SMIM44: variants seen among roughly 807,000 people sequenced by gnomAD.
SMIM44 encodes small integral membrane protein 44.
At chr19:3,482,702 C>G in the SMIM44 span, 3 of 396,484 alleles carry the variant, frequency 7.6e-6, no homozygotes, top group Non-Finnish European at 4.4e-6. Context: ...AGGAGAAAGC[C>G]GTCCGCTGCG....
the SMIM44 span, chr19:3,482,734 A>G: frequency 5.0e-6 from 2 of 397,210 alleles, no homozygotes; most frequent in Non-Finnish European, 8.9e-6. Flanking sequence ...CAGGGTTTGC[A>G]GAAAGGGCTC....
chr19:3,482,431 C>T, the SMIM44 span, among the ~76,000 whole-genome samples: 1 of 152,206 alleles, frequency 6.6e-6, no homozygotes, highest in African/African-American at 2.4e-5. Flanking sequence ...CTGCGTGCCT[C>T]GGTTTCCCCA....
chr19:3,482,615 T>C, the SMIM44 span, among the ~76,000 whole-genome samples: 1 of 152,236 alleles, frequency 6.6e-6, no homozygotes, highest in Admixed American at 6.5e-5. Flanking sequence ...GCTGACGGCT[T>C]GGCTGAGGCT....
chr19:3,482,716 G>GGGCA, the SMIM44 span: 1 of 396,556 alleles, frequency 2.5e-6, no homozygotes, highest in South Asian at 1.4e-4. Flanking sequence ...CGCTGCGACC[G>GGGCA]GGCAGCTCAG....
chr19:3,482,206 C>T, the SMIM44 span, among the ~76,000 whole-genome samples: 13 of 152,300 alleles, frequency 8.5e-5, 1 homozygote, highest in South Asian at 2.7e-3. Flanking sequence ...TGGGAGCTCT[C>T]GATCTGATTA....
At chr19:3,483,190 G>A in the SMIM44 span, 20 of 398,334 alleles carry the variant, frequency 5.0e-5, no homozygotes, top group South Asian at 2.5e-4. Context: ...GGTTTCGGTG[G>A]GGGCAGCTCA....
the SMIM44 span, chr19:3,483,410 C>T: frequency 9.8e-4 from 389 of 397,828 alleles, 3 homozygotes; most frequent in African/African-American, 7.4e-3. Flanking sequence ...GCATGGTGTC[C>T]GCCCGGCACA....
At chr19:3,482,280 T>G in the SMIM44 span, among the ~76,000 whole-genome samples, 2 of 151,986 alleles carry the variant, frequency 1.3e-5, no homozygotes, top group South Asian at 4.2e-4. Flanking sequence ...CTGGAGAAGA[T>G]TTGGAGGTAG....
At chr19:3,482,742 C>T in the SMIM44 span, 2 of 397,522 alleles carry the variant, frequency 5.0e-6, no homozygotes, top group Non-Finnish European at 8.9e-6. Context: ...GCAGAAAGGG[C>T]TCCGGCGCGC....
At chr19:3,483,431 G>T in the SMIM44 span, 1 of 397,512 alleles carries the variant, frequency 2.5e-6, no homozygotes, top group South Asian at 1.3e-4. Flanking sequence ...GGGGAGGCCC[G>T]GAGGTGACCC....
the SMIM44 span, chr19:3,482,876 C>T: frequency 2.5e-6 from 1 of 396,228 alleles, no homozygotes; most frequent in African/African-American, 2.1e-5. Context: ...GGCGGCGGGG[C>T]TCCGGGGGAG....
At chr19:3,483,335 G>T in the SMIM44 span, 1 of 398,274 alleles carries the variant, frequency 2.5e-6, no homozygotes, top group Non-Finnish European at 4.4e-6. Flanking sequence ...GCGGCGGCCG[G>T]TACTCCTCGT....
the SMIM44 span, chr19:3,482,916 C>A: frequency 2.5e-6 from 1 of 398,000 alleles, no homozygotes; most frequent in African/African-American, 2.1e-5. Context: ...TCCCTCCCCA[C>A]CCCCGCCGGC....
At chr19:3,483,401 C>T in the SMIM44 span, 1 of 397,940 alleles carries the variant, frequency 2.5e-6, no homozygotes, top group Non-Finnish European at 4.4e-6. Context: ...CCAGCCCCGG[C>T]ATGGTGTCCG....
At chr19:3,482,325 C>A in the SMIM44 span, among the ~76,000 whole-genome samples, 1 of 152,158 alleles carries the variant, frequency 6.6e-6, no homozygotes, top group African/African-American at 2.4e-5. Context: ...GCAGGACCCG[C>A]CTTGGAGATC....
At chr19:3,482,461 C>A in the SMIM44 span, among the ~76,000 whole-genome samples, 26,429 of 152,282 alleles carry the variant, frequency 0.17, 3,174 homozygotes, top group East Asian at 0.49. Flanking sequence ...TGGGGGCGAT[C>A]AGTCCTACCT....
At chr19:3,482,917 C>G in the SMIM44 span, 28 of 398,048 alleles carry the variant, frequency 7.0e-5, no homozygotes, top group African/African-American at 5.8e-4. Context: ...CCCTCCCCAC[C>G]CCCGCCGGCG....
chr19:3,482,218 G>A, the SMIM44 span, among the ~76,000 whole-genome samples: 13 of 152,206 alleles, frequency 8.5e-5, no homozygotes, highest in African/African-American at 3.1e-4. Context: ...ATCTGATTAG[G>A]AAGTCAGGAC....
chr19:3,482,884 G>C, the SMIM44 span: 1 of 397,220 alleles, frequency 2.5e-6, no homozygotes, highest in Non-Finnish European at 4.4e-6. Flanking sequence ...GGCTCCGGGG[G>C]AGGCGGGGGT....
Sources: gnomAD v4.1 joint callset for allele counts (sites outside exome capture counted in the v4.1 genomes callset) on GRCh38, gnomAD v4.1.1 for gene constraint, MANE v1.5 for transcripts, NCBI Gene and HGNC (gene_info 2026-07-23, HGNC 2026-07-21) for gene names.